C3orf49: variants seen among roughly 807,000 people sequenced by gnomAD.
C3orf49 encodes putative uncharacterized protein C3orf49.
In C3orf49, 27 loss-of-function variants were observed where a neutral mutation model predicts 13.3. The ratio of observed to expected loss-of-function variants is 2.02; its 90% CI spans 1.49 to 2.79. The LOEUF (loss-of-function observed/expected upper bound fraction) is 2.79. Ranked by LOEUF, C3orf49 falls within the 30% of genes most tolerant of loss-of-function variation. C3orf49 has a pLI of 0.00. For missense variants in C3orf49, 242 were observed against 134.2 expected, an observed-to-expected ratio of 1.80 and a Z score of -3.97; for synonymous variants, 87 against 47.6, an observed-to-expected ratio of 1.83 and a Z score of -3.40.
chr3:63,825,511 A>C (rs1408863371), intron 2 of C3orf49, among the ~76,000 whole-genome samples: 3 of 152,332 alleles, frequency 2.0e-5, no homozygotes, highest in Middle Eastern at 3.4e-3. Context: ...AGAATCCAGC[A>C]GAAAACAGAG....
At chr3:63,810,542 G>A in the C3orf49 span, among the ~76,000 whole-genome samples, 4 of 152,142 alleles carry the variant, frequency 2.6e-5, no homozygotes, top group Non-Finnish European at 4.4e-5. Context: ...TTCGTGACAC[G>A]GAATGCACTT....
the C3orf49 span, among the ~76,000 whole-genome samples, chr3:63,793,709 C>T: frequency 6.6e-6 from 1 of 152,142 alleles, no homozygotes; most frequent in Admixed American, 6.6e-5. Flanking sequence ...TTATTTTGCT[C>T]CGTCACACTA....
rs185760967 is a variant in C3orf49 at position 63,823,682 on chromosome 3, C to A, written c.445+113C>A. Reference sequence around the variant, plus strand: ...ATCCCTGAGGAGCTTGTCTGAAATGCAGAATCTCAGGCCCTACCTGGGACC... The same window carrying A: ...ATCCCTGAGGAGCTTGTCTGAAATGAAGAATCTCAGGCCCTACCTGGGACC... On this transcript the variant is annotated intron_variant, in intron 2 of 6. Coordinates refer to ENST00000295896, the MANE Select transcript of C3orf49 (RefSeq NM_001355236.2). The A allele has an allele frequency of 8.0e-4, 488 of 608,128 alleles. 1 individual carries two copies. In the African/African-American group the frequency reaches 8.4e-3, roughly 10 times the overall value. 37.7% of individuals were successfully genotyped at this position (608,128 alleles called of 1,614,324 possible). A position where few individuals can be genotyped will look rare whatever the true frequency, so the allele number is the denominator to read the frequency against.
chr3:63,808,737 T>G, the C3orf49 span, among the ~76,000 whole-genome samples: 1 of 152,268 alleles, frequency 6.6e-6, no homozygotes, highest in South Asian at 2.1e-4. Flanking sequence ...AGGTATAACT[T>G]AAGAAATTCA....
At chr3:63,824,257 T>G (rs1048682881) in intron 2 of C3orf49, among the ~76,000 whole-genome samples, 5 of 152,092 alleles carry the variant, frequency 3.3e-5, no homozygotes, top group Non-Finnish European at 7.4e-5. Context: ...TCAAGGGGGA[T>G]TTTTGGTTTT....
chr3:63,836,534 A>T (rs147147917), intron 5 of C3orf49, among the ~76,000 whole-genome samples: 70 of 152,150 alleles, frequency 4.6e-4, no homozygotes, highest in African/African-American at 1.6e-3. Context: ...ATAACGATAC[A>T]TAACATCAAA....
chr3:63,802,524 C>A, the C3orf49 span, among the ~76,000 whole-genome samples: 1 of 152,178 alleles, frequency 6.6e-6, no homozygotes, highest in Non-Finnish European at 1.5e-5. Context: ...TGAACTACTT[C>A]TAAAGCTTGT....
At chr3:63,792,942 C>T in the C3orf49 span, among the ~76,000 whole-genome samples, 1 of 152,160 alleles carries the variant, frequency 6.6e-6, no homozygotes, top group Non-Finnish European at 1.5e-5. Flanking sequence ...TGTCTTGTTT[C>T]GTTGTCTGTT....
intron 5 of C3orf49, chr3:63,837,897 ACCT>A: frequency 7.7e-7 from 1 of 1,300,140 alleles, no homozygotes; most frequent in Admixed American, 2.5e-5. Flanking sequence ...TGCAGATTTT[ACCT>A]CACAACATTA....
At chr3:63,841,852 T>C (rs940878089) in intron 5 of C3orf49, among the ~76,000 whole-genome samples, 5 of 152,192 alleles carry the variant, frequency 3.3e-5, no homozygotes, top group South Asian at 2.1e-4. Context: ...ATCTAGTGGG[T>C]GAATCTGGTG....
At chr3:63,819,119 A>AT (rs562905156), upstream of C3orf49, among the ~76,000 whole-genome samples, 197 of 148,652 alleles carry the variant, frequency 1.3e-3, no homozygotes, top group African/African-American at 4.3e-3. Flanking sequence ...TTGTTGTTTG[A>AT]TTTTTTTTTT....
intron 5 of C3orf49, among the ~76,000 whole-genome samples, chr3:63,843,323 G>T (rs996060961): frequency 7.3e-5 from 11 of 151,484 alleles, no homozygotes; most frequent in African/African-American, 2.7e-4. Flanking sequence ...TAACCATCTT[G>T]GCCAGGCTGG....
At chr3:63,784,747 A>G in the C3orf49 span, 5 of 152,144 alleles carry the variant, frequency 3.3e-5, no homozygotes, top group Non-Finnish European at 5.9e-5. Context: ...TCTCCCAGCT[A>G]CTCAGGAGGC....
the C3orf49 span, among the ~76,000 whole-genome samples, chr3:63,797,488 G>A: frequency 2.0e-5 from 3 of 152,144 alleles, no homozygotes; most frequent in East Asian, 5.8e-4. Flanking sequence ...AGTTCATAAC[G>A]GTAAAACTTA....
the C3orf49 span, among the ~76,000 whole-genome samples, chr3:63,810,518 C>G: frequency 6.6e-6 from 1 of 152,252 alleles, no homozygotes; most frequent in South Asian, 2.1e-4. Context: ...ACCTATGGGT[C>G]AAGACCTTAT....
chr3:63,846,812 A>G (rs374653961), intron 6 of C3orf49, among the ~76,000 whole-genome samples: 1 of 152,172 alleles, frequency 6.6e-6, no homozygotes, highest in East Asian at 1.9e-4. Flanking sequence ...GCAGAATGAT[A>G]GTCTCCTGAG....
At chr3:63,819,264 G>A (rs543226713), upstream of C3orf49, 2 of 504,548 alleles carry the variant, frequency 4.0e-6, no homozygotes, top group Admixed American at 3.2e-5. Flanking sequence ...TGACCTCTGT[G>A]AAGTTGTAAA....
chr3:63,837,254 AC>A (rs1455026918), intron 5 of C3orf49, among the ~76,000 whole-genome samples: 1 of 151,892 alleles, frequency 6.6e-6, no homozygotes, highest in Non-Finnish European at 1.5e-5. Flanking sequence ...AGCCATAAAA[AC>A]CCACAACTTC....
chr3:63,830,884 C>G (rs921021720), intron 3 of C3orf49, among the ~76,000 whole-genome samples: 1 of 152,186 alleles, frequency 6.6e-6, no homozygotes, highest in African/African-American at 2.4e-5. Flanking sequence ...GCCAGACAAT[C>G]TCATTTCTCT....
Sources: gnomAD v4.1 joint callset for allele counts (sites outside exome capture counted in the v4.1 genomes callset) on GRCh38, gnomAD v4.1.1 for gene constraint, MANE v1.5 for transcripts, NCBI Gene and HGNC (gene_info 2026-07-23, HGNC 2026-07-21) for gene names.